The following CSMD1 variants were observed in gnomAD, a reference collection of about 807,000 sequenced individuals.
CSMD1 encodes CUB and sushi domain-containing protein 1.
In CSMD1, 213 loss-of-function variants were observed where a neutral mutation model predicts 417.5. That is an observed-to-expected ratio of 0.51 (90% CI 0.46 to 0.57). CSMD1 has a LOEUF of 0.57. CSMD1 is among the 20% of genes least tolerant of loss of function. The pLI, the probability that CSMD1 is intolerant of heterozygous loss-of-function variation, is 0.00. For missense variants in CSMD1, 6,923 were observed against 4,529.7 expected, an observed-to-expected ratio of 1.53 and a Z score of -15.17; for synonymous variants, 2,862 against 1,736.8, an observed-to-expected ratio of 1.65 and a Z score of -16.11.
At chr8:3,010,608 C>T (rs1808311135) in intron 52 of CSMD1, among the ~76,000 whole-genome samples, 1 of 152,144 alleles carries the variant, frequency 6.6e-6, no homozygotes, top group East Asian at 1.9e-4. Context: ...CCCATGCCTG[C>T]TTGCTGGAAT....
chr8:3,383,060 T>C (rs979134370), intron 18 of CSMD1, among the ~76,000 whole-genome samples: 17 of 152,016 alleles, frequency 1.1e-4, no homozygotes, highest in African/African-American at 2.7e-4. Context: ...GATAGCCAGA[T>C]TGGAGAAGAA....
At chr8:3,194,622 T>C (rs1281666728) in intron 33 of CSMD1, among the ~76,000 whole-genome samples, 1 of 134,024 alleles carries the variant, frequency 7.5e-6, no homozygotes, top group African/African-American at 2.7e-5. Flanking sequence ...CACACTTGGC[T>C]AATAATTTTT....
chr8:2,974,552 A>G lies in CSMD1; in HGVS notation c.8639T>C (p.Val2880Ala). Residue 2880 changes from valine to alanine, a missense_variant, in exon 56 of 70, where the codon GTC becomes GCC. Physicochemically the swap from Val to Ala is moderately conservative, Grantham distance 64. Transcript: ENST00000635120. ...LTGELFTYGA[V>A]VHYSCRGSES... is the part of the protein sequence containing the mutation. ...GCTCCCTCTGCAGGAGTAGTGCACG[A>G]CGGCGCCATAGGTAAACAGCTCTCC... The G allele has an allele frequency of 6.2e-7, 1 of 1,613,302 alleles. No individual in the cohort carries two copies. The highest frequency in any genetic ancestry group is 8.5e-7 in the Non-Finnish European group (1 of 1,179,616).
chr8:3,397,150 T>C (rs575337518), intron 16 of CSMD1, among the ~76,000 whole-genome samples: 1 of 152,280 alleles, frequency 6.6e-6, no homozygotes, highest in East Asian at 1.9e-4. Flanking sequence ...TAAGTGGGCC[T>C]ATCTGATCCT....
chr8:3,826,198 C>T (rs1357294984), intron 5 of CSMD1, among the ~76,000 whole-genome samples: 1 of 152,150 alleles, frequency 6.6e-6, no homozygotes, highest in African/African-American at 2.4e-5. Flanking sequence ...TGGAGGCCTT[C>T]ACGGTGGAGC....
chr8:3,890,980 T>A (rs1436240789), intron 5 of CSMD1, among the ~76,000 whole-genome samples: 1 of 152,172 alleles, frequency 6.6e-6, no homozygotes, highest in Admixed American at 6.5e-5. Context: ...AAATGGATGT[T>A]ATGGACATTT....
chr8:4,762,456 G>C (rs573564005), intron 1 of CSMD1, among the ~76,000 whole-genome samples: 6 of 152,168 alleles, frequency 3.9e-5, no homozygotes, highest in African/African-American at 1.2e-4. Context: ...AAGCATCTCA[G>C]TTATTTAACA....
chr8:4,918,765 T>C (rs796914462), intron 1 of CSMD1, among the ~76,000 whole-genome samples: 19 of 152,318 alleles, frequency 1.2e-4, no homozygotes, highest in African/African-American at 4.3e-4. Context: ...TGCAGGTATG[T>C]GCATATGGAA....
In CSMD1 at chr8:3,348,833, T is replaced by C. The variant is rs139295071; in HGVS notation, c.3305-672A>G. On this transcript the variant is annotated intron_variant, in intron 21 of 69. Coordinates refer to ENST00000635120, the MANE Select transcript of CSMD1 (RefSeq NM_033225.6). ...TTATCAAGGTAAAAGTGAAAATACA[T>C]ACAACTCTCTACTTTCTGTCAACCT... is the stretch of plus-strand genomic sequence containing the variant. Among the ~76,000 whole-genome samples the C allele has an allele frequency of 1.1e-3, 164 of 152,330 alleles. 1 individual carries two copies. The East Asian group carries it at 0.017, about 15-fold the overall frequency.
At chr8:3,660,658 T>C (rs879465011) in intron 7 of CSMD1, among the ~76,000 whole-genome samples, 2 of 151,598 alleles carry the variant, frequency 1.3e-5, no homozygotes, top group South Asian at 2.1e-4. Context: ...GTAGCTGGGA[T>C]TACAGGGTCC....
intron 54 of CSMD1, among the ~76,000 whole-genome samples, chr8:2,984,841 G>C (rs531548998): frequency 6.6e-6 from 1 of 152,346 alleles, no homozygotes; most frequent in African/African-American, 2.4e-5. Context: ...TTCAGATTCT[G>C]TTGGTGTTTT....
chr8:3,838,555 T>C (rs1404400754), intron 5 of CSMD1, among the ~76,000 whole-genome samples: 1 of 115,750 alleles, frequency 8.6e-6, no homozygotes, highest in Non-Finnish European at 1.7e-5. Flanking sequence ...GTACTCTCTG[T>C]AGATATATAT....
chr8:3,963,725 G>C (rs967227734), intron 5 of CSMD1, among the ~76,000 whole-genome samples: 1 of 152,070 alleles, frequency 6.6e-6, no homozygotes, highest in Non-Finnish European at 1.5e-5. Context: ...CAATAATTTT[G>C]ATAGCAAAAC....
intron 2 of CSMD1, among the ~76,000 whole-genome samples, chr8:4,578,194 T>C (rs886281775): frequency 2.0e-5 from 3 of 152,104 alleles, no homozygotes; most frequent in Non-Finnish European, 2.9e-5. Context: ...GAAGTCTCGC[T>C]CTGTTGCCCA....
chr8:3,064,727 C>T (rs944960290), intron 49 of CSMD1, among the ~76,000 whole-genome samples: 3 of 152,148 alleles, frequency 2.0e-5, no homozygotes, highest in African/African-American at 7.2e-5. Flanking sequence ...CAAATCCTTA[C>T]ATGGTTTTGC....
intron 1 of CSMD1, among the ~76,000 whole-genome samples, chr8:4,668,847 C>T (rs1805117099): frequency 6.6e-6 from 1 of 152,114 alleles, no homozygotes; most frequent in Non-Finnish European, 1.5e-5. Context: ...CCTCTCTCTA[C>T]CATGTTTATC....
intron 3 of CSMD1, among the ~76,000 whole-genome samples, chr8:4,394,340 T>C (rs1452618846): frequency 6.6e-6 from 1 of 152,238 alleles, no homozygotes; most frequent in Admixed American, 6.5e-5. Context: ...AATGTAGTTA[T>C]TCTCTTGGGT....
intron 1 of CSMD1, among the ~76,000 whole-genome samples, chr8:4,878,352 G>A (rs1005024292): frequency 6.6e-5 from 10 of 152,050 alleles, no homozygotes; most frequent in African/African-American, 2.2e-4. Flanking sequence ...CACATAAGTT[G>A]TGTCATTTGA....
chr8:3,010,056 G>C (rs765161216), intron 52 of CSMD1, among the ~76,000 whole-genome samples: 2 of 152,028 alleles, frequency 1.3e-5, no homozygotes, highest in South Asian at 4.2e-4. Context: ...CTCAAGCTTT[G>C]TCTGCAGTCT....
Sources: allele counts gnomAD v4.1 joint callset (sites outside exome capture counted in the v4.1 genomes callset), GRCh38; gene constraint gnomAD v4.1.1; transcripts MANE v1.5; gene names NCBI Gene and HGNC (gene_info 2026-07-23, HGNC 2026-07-21).